CASQ2: variants seen among roughly 807,000 people sequenced by gnomAD.
CASQ2 encodes the protein calsequestrin 2, also known as calsequestrin-2.
A neutral mutation model predicts 46.5 loss-of-function variants in CASQ2; 49 were observed. The observed-to-expected ratio is 1.05, with a 90% CI of 0.84 to 1.34. The LOEUF (loss-of-function observed/expected upper bound fraction) is 1.34, where lower values mean the gene tolerates loss of function less well. Ranked by LOEUF, CASQ2 falls within the 40% of genes most tolerant of loss-of-function variation. CASQ2 has a pLI of 0.00. For synonymous variants in CASQ2, 174 were observed against 168.5 expected (o/e 1.03, Z -0.25); for missense variants, 486 against 481.3 (o/e 1.01, Z -0.09).
intron 8 of CASQ2, among the ~76,000 whole-genome samples, chr1:115,705,982 G>A (rs999866291): frequency 3.9e-5 from 6 of 152,120 alleles, no homozygotes; most frequent in Non-Finnish European, 5.9e-5. Context: ...TGAAGGACTA[G>A]GAGCATACAA....
At chr1:115,754,362 TGCCAAGGAAAAGA>T (rs1376595523) in intron 1 of CASQ2, among the ~76,000 whole-genome samples, 13 of 152,124 alleles carry the variant, frequency 8.5e-5, no homozygotes, top group African/African-American at 3.1e-4. Context: ...CGTTGGTCAA[TGCCAAGGAAAAGA>T]CCCAAGGGAA....
chr1:115,733,536 A>G (rs1222926570), intron 4 of CASQ2, among the ~76,000 whole-genome samples: 4 of 152,136 alleles, frequency 2.6e-5, no homozygotes, highest in Non-Finnish European at 5.9e-5. Context: ...TGATGCCTCA[A>G]GAGGATTTCT....
chr1:115,740,714 G>A lies in CASQ2; in HGVS notation c.420+14C>T, dbSNP rs770624061. 7.9e-6 allele frequency: 12 copies of A among 1,519,116 alleles called. No homozygotes were observed. The highest frequency in any genetic ancestry group is 1.1e-5 in the Non-Finnish European group (12 of 1,093,246). The allele number at this position is 1,519,116 out of a possible 1,614,324, so 94.1% of individuals were successfully genotyped here. ...AGGCAGCTCCATGCAGGGTCACTGT[G>A]TATAAATACTTACATCCAAGAGGAA... On this transcript the variant is annotated intron_variant, in intron 3 of 10. Transcript: ENST00000261448.
chr1:115,748,508 C>T, intron 1 of CASQ2, among the ~76,000 whole-genome samples: 1 of 130,970 alleles, frequency 7.6e-6, no homozygotes, highest in South Asian at 3.0e-4. Flanking sequence ...ACAAATAAGC[C>T]TACCCCCACC....
Position 115,727,038 on chromosome 1 carries a change from G to A in CASQ2, c.691C>T (p.Pro231Ser), listed in dbSNP as rs749796276. The stretch of plus-strand genomic sequence containing the variant: ...TCCACCAGCTCCTCTTCTGTGTAAG[G>A]TTTGTTGGGGATGGCAATGGGCTCA... ...MDEPIAIPNKPYTEEELVEFV... is the reference protein window; with the variant it reads ...MDEPIAIPNKSYTEEELVEFV... The change falls in exon 6 of 11, where the codon CCT becomes TCT. Residue 231 changes from proline to serine, a missense_variant. By Grantham distance (74) the Pro-to-Ser change is moderately conservative. Transcript: ENST00000261448. 1.9e-6 allele frequency: 3 copies of A among 1,613,850 alleles called. No homozygotes were observed. The highest frequency in any genetic ancestry group is 1.1e-5 in the South Asian group (1 of 91,068).
In CASQ2 at chr1:115,700,722, C is replaced by T. The variant is rs1229054646; in HGVS notation, c.*519G>A. ...AGAATATGATTTATAAGTTTGCTTCCAAGGCTGAGCCTTCTCTAAGAAGGA... is the reference window on the plus strand; with the variant it reads ...AGAATATGATTTATAAGTTTGCTTCTAAGGCTGAGCCTTCTCTAAGAAGGA... On this transcript the variant is annotated 3_prime_UTR_variant, in exon 11 of 11. Coordinates refer to ENST00000261448, the MANE Select transcript of CASQ2 (RefSeq NM_001232.4). 15 of 371,226 alleles carry T rather than the reference C, an allele frequency of 4.0e-5. No individual in the cohort carries two copies. Among genetic ancestry groups the T allele is most frequent in the Non-Finnish European group, 7.2e-5 (15 of 207,528 alleles). The allele number at this position is 371,226 out of a possible 1,614,324, so 23.0% of individuals were successfully genotyped here. A position where few individuals can be genotyped will look rare whatever the true frequency, so the allele number is the denominator to read the frequency against.
At chr1:115,742,781 T>C (rs973378937) in intron 2 of CASQ2, among the ~76,000 whole-genome samples, 5 of 136,740 alleles carry the variant, frequency 3.7e-5, no homozygotes, top group Admixed American at 6.9e-5. Flanking sequence ...TTTGTTTGTT[T>C]GTTTGTTTGT....
At chr1:115,757,402 C>A (rs955500911) in intron 1 of CASQ2, among the ~76,000 whole-genome samples, 2 of 152,122 alleles carry the variant, frequency 1.3e-5, no homozygotes, top group African/African-American at 4.8e-5. Flanking sequence ...ATAAGTCTGA[C>A]CTCATCTAAT....
rs1648709628 is a variant in CASQ2, at chr1:115,754,979, G to C, written c.235-10067C>G. On this transcript the variant is annotated intron_variant, in intron 1 of 10. Coordinates refer to ENST00000261448, the MANE Select transcript of CASQ2 (RefSeq NM_001232.4). ...CACCCCAGAGTTTCTGATTCAGCAG[G>C]TCTGGGATGGGACCCAAGAATTTGC... Among the ~76,000 whole-genome samples the C allele has an allele frequency of 2.0e-5, 3 of 152,196 alleles. No homozygotes were observed. The South Asian group carries it at 6.2e-4, about 32-fold the overall frequency.
chr1:115,745,094 G>C (rs1648342372), intron 1 of CASQ2, among the ~76,000 whole-genome samples, 182 bp from the exon 2 acceptor site: 1 of 152,200 alleles, frequency 6.6e-6, no homozygotes, highest in African/African-American at 2.4e-5. Flanking sequence ...GATGATTCAG[G>C]AGAATGCTGA....
intron 7 of CASQ2, among the ~76,000 whole-genome samples, chr1:115,718,396 C>T (rs1647246417): frequency 6.6e-6 from 1 of 152,168 alleles, no homozygotes; most frequent in Admixed American, 6.5e-5. Context: ...GTGGACAGAT[C>T]CTGAAACTAT....
chr1:115,747,144 T>C (rs879460044), intron 1 of CASQ2, among the ~76,000 whole-genome samples: 14 of 152,204 alleles, frequency 9.2e-5, no homozygotes, highest in Admixed American at 7.2e-4. Context: ...TGATTCACTT[T>C]GATAAAATTT....
intron 8 of CASQ2, among the ~76,000 whole-genome samples, chr1:115,715,728 A>G (rs1156755530): frequency 2.0e-5 from 3 of 152,230 alleles, no homozygotes; most frequent in Admixed American, 2.0e-4. Flanking sequence ...ATGATAAAAA[A>G]TGTGGGTTTC....
intron 7 of CASQ2, among the ~76,000 whole-genome samples, chr1:115,718,448 G>T (rs897031227): frequency 6.6e-6 from 1 of 152,206 alleles, no homozygotes; most frequent in African/African-American, 2.4e-5. Context: ...GGTCAATTAG[G>T]ATGTGGGCTG....
At chr1:115,712,725 C>T (rs1245024793) in intron 8 of CASQ2, among the ~76,000 whole-genome samples, 3 of 151,664 alleles carry the variant, frequency 2.0e-5, no homozygotes, top group African/African-American at 7.3e-5. Flanking sequence ...GTGTGGTGGC[C>T]CATGCCTCTA....
intron 1 of CASQ2, among the ~76,000 whole-genome samples, chr1:115,767,510 G>T (rs1196322174): frequency 6.6e-6 from 1 of 152,156 alleles, no homozygotes; most frequent in Non-Finnish European, 1.5e-5. Flanking sequence ...CGTGGAGACT[G>T]ATGAGGCATC....
intron 4 of CASQ2, 74 bp from the exon 5 acceptor site, chr1:115,733,048 G>A (rs1647842459): frequency 9.4e-7 from 1 of 1,063,736 alleles, no homozygotes; most frequent in Non-Finnish European, 1.4e-6. Flanking sequence ...TTTAAATGGT[G>A]TAGAGAGTAG....
Position 115,761,455 on chromosome 1 carries a change from AAGAAGAAGG to A in CASQ2, c.234+6844_234+6852del, listed in dbSNP as rs1557806677. On this transcript the variant is annotated intron_variant, in intron 1 of 10. Transcript: ENST00000261448. ...AAGAAGAAGAAAGAAGAAGAAGAAG[AAGAAGAAGG>A]AGAAGAAGAAGAAGAAGAAGAAGGA... Among the ~76,000 whole-genome samples, 77 of 13,376 alleles carry A rather than the reference AAGAAGAAGG, an allele frequency of 5.8e-3. 6 individuals are homozygous for A. The highest frequency in any genetic ancestry group is 8.3e-3 in the Non-Finnish European group (52 of 6,274). The allele number at this position is 13,376 out of a possible 152,430, so 8.8% of individuals were successfully genotyped here. A position where few individuals can be genotyped will look rare whatever the true frequency, so the allele number is the denominator to read the frequency against.
chr1:115,736,727 A>G (rs773380071), intron 4 of CASQ2, among the ~76,000 whole-genome samples: 2 of 152,186 alleles, frequency 1.3e-5, no homozygotes, highest in Admixed American at 6.5e-5. Flanking sequence ...AATATGTAAT[A>G]TATTTCATAT....
Sources: gnomAD v4.1 joint callset for allele counts (sites outside exome capture counted in the v4.1 genomes callset) on GRCh38, gnomAD v4.1.1 for gene constraint, MANE v1.5 for transcripts, NCBI Gene and HGNC (gene_info 2026-07-23, HGNC 2026-07-21) for gene names.